Variants in UGP2 observed in about 807,000 individuals in gnomAD.
UGP2 encodes UTP--glucose-1-phosphate uridylyltransferase.
A neutral mutation model predicts 49.0 loss-of-function variants in UGP2; 40 were observed. The observed-to-expected ratio is 0.82, with a 90% CI of 0.63 to 1.06. The LOEUF (loss-of-function observed/expected upper bound fraction) is 1.06, where lower values mean the gene tolerates loss of function less well. UGP2 is among the 50% of genes least tolerant of loss of function. UGP2 has a pLI of 0.00. For missense variants in UGP2, 460 were observed against 603.5 expected (o/e 0.76, Z 2.49); for synonymous variants, 225 against 213.0 (o/e 1.06, Z -0.49).
At chr2:63,855,538 T>G in intron 1 of UGP2, 1 of 277,640 alleles carries the variant, frequency 3.6e-6, no homozygotes, top group Non-Finnish European at 7.1e-6. Context: ...TTTTTTTTTT[T>G]TTTCTCTTTT....
chr2:63,843,630 C>A (rs1313811848), intron 1 of UGP2, among the ~76,000 whole-genome samples: 1 of 152,168 alleles, frequency 6.6e-6, no homozygotes, highest in Non-Finnish European at 1.5e-5. Flanking sequence ...CCAACTTGTC[C>A]TCAGAAGATT....
Position 63,884,062 on chromosome 2 carries a change from C to A in UGP2, c.544C>A (p.Arg182Ser). The stretch of plus-strand genomic sequence containing the variant: ...AATACTACAGAAGTACAATCATTGT[C>A]GTGTGAAAATCTACACTTTCAATCA... ...KKILQKYNHC[R>S]VKIYTFNQSR... The change falls in exon 5 of 10, where the codon CGT (arginine) becomes AGT (serine). Residue 182 changes from arginine to serine, a missense_variant. Arg to Ser is a moderately radical substitution (Grantham distance 110). Transcript: ENST00000337130. 1 of 1,612,356 alleles carries A rather than the reference C, an allele frequency of 6.2e-7. No homozygotes were observed. Among genetic ancestry groups the A allele is most frequent in the South Asian group, 1.1e-5 (1 of 90,740 alleles).
chr2:63,881,553 A>G (rs1489596763), intron 3 of UGP2, among the ~76,000 whole-genome samples: 7 of 152,256 alleles, frequency 4.6e-5, no homozygotes, highest in African/African-American at 1.7e-4. Context: ...ACATAAATGG[A>G]TAGAAAATAC....
chr2:63,845,607 G>C (rs1234089403), intron 1 of UGP2, among the ~76,000 whole-genome samples: 10 of 151,480 alleles, frequency 6.6e-5, no homozygotes, highest in Non-Finnish European at 1.0e-4. Flanking sequence ...CTCTCAACTT[G>C]AGTACAAGTT....
chr2:63,870,887 A>G (rs1399411548), intron 3 of UGP2, among the ~76,000 whole-genome samples: 1 of 152,206 alleles, frequency 6.6e-6, no homozygotes, highest in East Asian at 1.9e-4. Context: ...TCCCAAAGCC[A>G]AGAGCTGCAC....
intron 3 of UGP2, among the ~76,000 whole-genome samples, chr2:63,881,979 A>G (rs1168081091): frequency 1.3e-5 from 2 of 152,246 alleles, no homozygotes; most frequent in Non-Finnish European, 2.9e-5. Context: ...GGAGAATGGC[A>G]AAGAACAAGT....
At chr2:63,852,923 A>G (rs1350905273) in intron 1 of UGP2, among the ~76,000 whole-genome samples, 1 of 152,196 alleles carries the variant, frequency 6.6e-6, no homozygotes, top group Admixed American at 6.5e-5. Context: ...TATTTTGGAC[A>G]TGTTGAGTTT....
intron 1 of UGP2, chr2:63,842,556 C>A: frequency 6.6e-7 from 1 of 1,511,960 alleles, no homozygotes; most frequent in Non-Finnish European, 8.8e-7. Flanking sequence ...TGCGTGCACG[C>A]AGACGGGAAG....
chr2:63,880,563 T>C (rs532636312), intron 3 of UGP2, among the ~76,000 whole-genome samples: 1 of 152,306 alleles, frequency 6.6e-6, no homozygotes, highest in South Asian at 2.1e-4. Flanking sequence ...TCTACTCTTA[T>C]TTTTCTAGCA....
intron 3 of UGP2, among the ~76,000 whole-genome samples, chr2:63,869,520 C>G (rs1357583035): frequency 6.6e-6 from 1 of 152,104 alleles, no homozygotes; most frequent in African/African-American, 2.4e-5. Context: ...TGCTATGATG[C>G]TTTAATATAA....
chr2:63,890,598 TCTC>T (rs1170663381), intron 9 of UGP2, among the ~76,000 whole-genome samples: 5 of 152,078 alleles, frequency 3.3e-5, no homozygotes, highest in Admixed American at 2.0e-4. Context: ...TTTTAAAAAA[TCTC>T]CTAACTAGAT....
intron 5 of UGP2, 91 bp downstream of exon 5, chr2:63,884,184 A>AG (rs1671506628): frequency 6.8e-7 from 1 of 1,466,580 alleles, no homozygotes; most frequent in East Asian, 2.3e-5. Flanking sequence ...CAAGATGTAC[A>AG]GGTACCAAAT....
intron 3 of UGP2, among the ~76,000 whole-genome samples, chr2:63,875,244 G>A (rs539707004): frequency 6.6e-6 from 1 of 152,090 alleles, no homozygotes; most frequent in East Asian, 1.9e-4. Context: ...TTCCTAATTC[G>A]TTAACTGTTT....
intron 3 of UGP2, among the ~76,000 whole-genome samples, chr2:63,874,789 G>T (rs1355035908): frequency 6.7e-6 from 1 of 149,572 alleles, no homozygotes; most frequent in Non-Finnish European, 1.5e-5. Context: ...AAAAAAAAAA[G>T]CCTGGTACCT....
Position 63,884,112 on chromosome 2 carries a change from T to G in UGP2, c.575+19T>G, listed in dbSNP as rs551495005. 1 of 1,610,448 alleles carries G rather than the reference T, an allele frequency of 6.2e-7. No individual in the cohort carries two copies. Among genetic ancestry groups the G allele is most frequent in the African/African-American group, 1.3e-5 (1 of 74,898 alleles). Reference sequence around the variant, plus strand: ...AAAGCAGGTACAATGAGTAAAAAATTAACTCTGGGTATGTTACTCCTGGGA... The same window carrying G: ...AAAGCAGGTACAATGAGTAAAAAATGAACTCTGGGTATGTTACTCCTGGGA... On this transcript the variant is annotated intron_variant, in intron 5 of 9. Transcript: ENST00000337130.
chr2:63,868,838 G>C (rs1251648991), intron 3 of UGP2, among the ~76,000 whole-genome samples: 1 of 151,944 alleles, frequency 6.6e-6, no homozygotes, highest in Non-Finnish European at 1.5e-5. Flanking sequence ...GCCGGGCGTG[G>C]TGGCATGTAC....
chr2:63,882,597 G>C lies in UGP2; in HGVS notation c.387G>C (p.Leu129=), dbSNP rs1671392132. The part of the protein sequence containing the change: ...TSMGCKGPKS[L]IGVRNENTFL... ...TGGGCTGCAAAGGCCCTAAAAGTCT[G>C]ATTGGTGTGAGGAATGAGAATACCT... Residue 129 remains leucine (L), a synonymous_variant, in exon 4 of 10, where the codon CTG becomes CTC. Transcript: ENST00000337130. 3.1e-6 allele frequency: 5 copies of C among 1,609,394 alleles called. No homozygotes were observed. Among genetic ancestry groups the C allele is most frequent in the Admixed American group, 1.7e-5 (1 of 59,850 alleles).
chr2:63,855,650 T>G (rs777375933), intron 1 of UGP2: 4 of 437,708 alleles, frequency 9.1e-6, no homozygotes, highest in Non-Finnish European at 1.4e-5. Flanking sequence ...CAAGGTATCC[T>G]CCTGCTTCAG....
chr2:63,844,115 C>T (rs1671764987), intron 1 of UGP2, among the ~76,000 whole-genome samples: 1 of 152,198 alleles, frequency 6.6e-6, no homozygotes, highest in South Asian at 2.1e-4. Context: ...CAGTTTTGCA[C>T]AAGAATATGA....
Sources: gnomAD v4.1 joint callset for allele counts (sites outside exome capture counted in the v4.1 genomes callset) on GRCh38, gnomAD v4.1.1 for gene constraint, MANE v1.5 for transcripts, NCBI Gene and HGNC (gene_info 2026-07-23, HGNC 2026-07-21) for gene names.